CEP162: variants seen among roughly 807,000 people sequenced by gnomAD.
CEP162 encodes centrosomal protein 162, also known as centrosomal protein of 162 kDa.
CEP162 carries 141 observed loss-of-function variants against 169.2 expected under a neutral mutation model. The observed-to-expected ratio is 0.83, with a 90% CI of 0.73 to 0.96. The LOEUF is 0.96. Among genes scored for constraint, CEP162 ranks in the 40% least tolerant of loss-of-function variants. The pLI is 0.00. For missense variants in CEP162, 1,600 were observed against 1,587.2 expected (o/e 1.01, Z -0.14); for synonymous variants, 540 against 526.4 (o/e 1.03, Z -0.35).
chr6:84,182,444 A>C (rs968129408), intron 13 of CEP162, among the ~76,000 whole-genome samples: 5 of 152,154 alleles, frequency 3.3e-5, no homozygotes, highest in Non-Finnish European at 7.4e-5. Context: ...CTAAAAAGGA[A>C]AACAACAACA....
chr6:84,211,745 G>T (rs2099549574), intron 6 of CEP162, among the ~76,000 whole-genome samples: 1 of 151,662 alleles, frequency 6.6e-6, no homozygotes, highest in Admixed American at 6.6e-5. Flanking sequence ...GAAGCGGAAA[G>T]CAGCATTATT....
chr6:84,179,625 C>T lies in CEP162; in HGVS notation c.1664-4278G>A, dbSNP rs62449300. On this transcript the variant is annotated intron_variant, in intron 13 of 26. Coordinates refer to ENST00000403245, the MANE Select transcript of CEP162 (RefSeq NM_014895.4). ...TCCCATTGTGTAGGTTGCCTGTTCA[C>T]TCTAATGGTAGTTTCTTTTGCTGTG... Among the ~76,000 whole-genome samples the T allele has an allele frequency of 3.6e-3, 551 of 152,264 alleles. 3 individuals carry two copies. The highest frequency in any genetic ancestry group is 6.0e-3 in the Non-Finnish European group (407 of 68,026).
In CEP162 at chr6:84,131,220, CTGTT is replaced by C. The variant is rs533905384; in HGVS notation, c.3871-4712_3871-4709del. On this transcript the variant is annotated intron_variant, in intron 25 of 26. Transcript: ENST00000403245. ...TTTGACTGCACTGTGGTCTGAGAGA[CTGTT>C]TGTTATGATTTCCATTCTTTTGCAT... 3.0e-3 allele frequency among the ~76,000 whole-genome samples: 463 copies of C among 152,234 alleles called. 2 individuals are homozygous for C. Among genetic ancestry groups the C allele is most frequent in the African/African-American group, 0.01 (420 of 41,532 alleles).
intron 11 of CEP162, among the ~76,000 whole-genome samples, chr6:84,187,973 G>A (rs1182976515): frequency 6.6e-6 from 1 of 152,144 alleles, no homozygotes; most frequent in African/African-American, 2.4e-5. Context: ...TGTAGACTCA[G>A]TCTGTAAGAT....
rs753188338 is a variant in CEP162 at position 84,186,514 on chromosome 6, C to CA, written c.1218dup (p.Asp407Ter). ...AAAATCACATTCTCATCATTTTTGT[C>CA]AAAAAAAAGGTTCACATGTTGTGAG... On this transcript the variant is annotated frameshift_variant, in exon 12 of 27. Transcript: ENST00000403245. LOFTEE classifies it high-confidence loss of function. The CA allele has an allele frequency of 1.2e-5, 20 of 1,609,402 alleles. No homozygotes were observed. Among genetic ancestry groups the CA allele is most frequent in the Admixed American group, 3.4e-5 (2 of 59,682 alleles).
At chr6:84,194,849 T>C (rs2127725126) in intron 10 of CEP162, 35 bp downstream of exon 10, 1 of 1,402,958 alleles carries the variant, frequency 7.1e-7, no homozygotes, top group East Asian at 2.3e-5. Flanking sequence ...AGAAAGGATA[T>C]CAAATAATTG....
At chr6:84,155,818 C>T (rs1046287164) in intron 21 of CEP162, among the ~76,000 whole-genome samples, 11 of 152,128 alleles carry the variant, frequency 7.2e-5, no homozygotes, top group African/African-American at 2.4e-4. Context: ...AAGCAATCTA[C>T]AAATTCAATT....
At chr6:84,134,919 TACACAC>T (rs35312098) in intron 25 of CEP162, among the ~76,000 whole-genome samples, 4,359 of 147,904 alleles carry the variant, frequency 0.029, 124 homozygotes, top group African/African-American at 0.081. Context: ...AGATCATATA[TACACAC>T]ACACACACAC....
intron 5 of CEP162, among the ~76,000 whole-genome samples, chr6:84,214,538 C>T (rs548351433): frequency 7.5e-4 from 114 of 152,264 alleles, no homozygotes; most frequent in Non-Finnish European, 1.1e-3. Context: ...ATCTCAGACC[C>T]CGCAAAGTTC....
At chr6:84,203,922 A>C in intron 7 of CEP162, 59 bp downstream of exon 7, 3 of 936,784 alleles carry the variant, frequency 3.2e-6, no homozygotes, top group Non-Finnish European at 4.9e-6. Flanking sequence ...ATATAGCAAT[A>C]GGCAGCCAGG....
chr6:84,185,484 ATAAACT>A (rs1203066886), intron 12 of CEP162, 36 bp from the exon 13 acceptor site: 7 of 1,539,836 alleles, frequency 4.5e-6, no homozygotes, highest in Non-Finnish European at 6.2e-6. Flanking sequence ...TAGTACCTAA[ATAAACT>A]TTAACTATTG....
At position 84,149,599 on chromosome 6, in the gene CEP162, T is replaced by C. The variant is rs1336267923; in HGVS notation, c.3734A>G (p.Lys1245Arg). The C allele has an allele frequency of 6.2e-7, 1 of 1,603,828 alleles. No homozygotes were observed. The highest frequency in any genetic ancestry group is 1.1e-5 in the South Asian group (1 of 89,508). ...CQNAVENSSS[K>R]VAELNRKIAT... Reference sequence around the variant, plus strand: ...TATTTTACGATTTAGTTCAGCTACTTTGGAAGAAGAATTTTCTACTGCATT... The same window carrying C: ...TATTTTACGATTTAGTTCAGCTACTCTGGAAGAAGAATTTTCTACTGCATT... The change falls in exon 24 of 27, where the codon AAA (lysine) becomes AGA (arginine). Residue 1245 changes from lysine to arginine, a missense_variant. By Grantham distance (26) the Lys-to-Arg change is conservative (BLOSUM62 2). Coordinates refer to ENST00000403245, the MANE Select transcript of CEP162 (RefSeq NM_014895.4).
rs187380135 is a variant in CEP162 at position 84,160,854 on chromosome 6, A to G, written c.2739T>C (p.Asp913=). ...GAATTTTTTTGGCATCTGCTGCTTTATCTTTTAAGCGTATCTTCTGCCGAA... is the reference window on the plus strand; with the variant it reads ...GAATTTTTTTGGCATCTGCTGCTTTGTCTTTTAAGCGTATCTTCTGCCGAA... ...PSIRQKIRLK[D]KAADAKKIQD... is the part of the protein sequence containing the mutation. Residue 913 remains aspartate (D), a synonymous_variant, in exon 21 of 27, where the codon GAT becomes GAC. Transcript: ENST00000403245. 8.2e-5 allele frequency: 132 copies of G among 1,613,310 alleles called. 1 individual carries two copies. In the Admixed American group the frequency reaches 2.2e-3, roughly 27 times the overall value.
intron 21 of CEP162, among the ~76,000 whole-genome samples, chr6:84,160,381 T>A (rs979973995): frequency 6.6e-6 from 1 of 152,178 alleles, no homozygotes; most frequent in Admixed American, 6.5e-5. Context: ...GCCAGCTCTT[T>A]GGGAAGCTGA....
At chr6:84,208,038 GTC>G (rs2099547994) in intron 6 of CEP162, among the ~76,000 whole-genome samples, 1 of 47,466 alleles carries the variant, frequency 2.1e-5, no homozygotes, top group African/African-American at 9.8e-5. Context: ...TTTTTTTTTT[GTC>G]TCTACAGGTA....
At chr6:84,170,404 C>T (rs1048043474) in intron 17 of CEP162, among the ~76,000 whole-genome samples, 2 of 126,158 alleles carry the variant, frequency 1.6e-5, no homozygotes, top group Non-Finnish European at 3.3e-5. Flanking sequence ...AAAAAAAAAG[C>T]GTAAGTAAAT....
intron 9 of CEP162, among the ~76,000 whole-genome samples, chr6:84,196,776 G>A (rs1337374457): frequency 6.6e-6 from 1 of 152,104 alleles, no homozygotes. Context: ...ATAGCCAAGT[G>A]GTACATATAA....
chr6:84,160,912 T>A lies in CEP162; in HGVS notation c.2681A>T (p.Glu894Val), dbSNP rs764403497. The A allele has an allele frequency of 4.4e-6, 7 of 1,580,360 alleles. No individual in the cohort carries two copies. Among genetic ancestry groups the A allele is most frequent in the South Asian group, 2.2e-5 (2 of 90,360 alleles). The change falls in exon 21 of 27, where the codon GAG (glutamate) becomes GTG (valine). Residue 894 changes from glutamate to valine, a missense_variant. By Grantham distance (121) the Glu-to-Val change is moderately radical. Coordinates refer to ENST00000403245, the MANE Select transcript of CEP162 (RefSeq NM_014895.4). ...EEIEKLKLEI[E>V]KLKAESGNPS... ...ATTCCCAGATTCAGCTTTCAGTTTC[T>A]CAATCTGTCAATAAATAAATAACAT...
chr6:84,210,861 T>C (rs573545363), intron 6 of CEP162, among the ~76,000 whole-genome samples: 2 of 152,258 alleles, frequency 1.3e-5, no homozygotes, highest in South Asian at 4.1e-4. Flanking sequence ...TAGAGGTTAC[T>C]AGAGCTACTC....
Sources: gnomAD v4.1 joint callset for allele counts (sites outside exome capture counted in the v4.1 genomes callset) on GRCh38, gnomAD v4.1.1 for gene constraint, MANE v1.5 for transcripts, NCBI Gene and HGNC (gene_info 2026-07-23, HGNC 2026-07-21) for gene names.